The following SUGCT variants were observed in gnomAD, a reference collection of about 807,000 sequenced individuals.
SUGCT encodes succinyl-CoA:glutarate-CoA transferase.
SUGCT carries 41 observed loss-of-function variants against 55.0 expected under a neutral mutation model. The ratio of observed to expected loss-of-function variants is 0.74; its 90% CI spans 0.58 to 0.97. The LOEUF (loss-of-function observed/expected upper bound fraction) is 0.97, where lower values mean the gene tolerates loss of function less well. SUGCT is among the 50% of genes least tolerant of loss of function. The pLI, the probability that SUGCT is intolerant of heterozygous loss-of-function variation, is 0.00. For missense variants in SUGCT, 568 were observed against 547.8 expected (o/e 1.04, Z -0.37); for synonymous variants, 187 against 200.4 (o/e 0.93, Z 0.56).
intron 13 of SUGCT, among the ~76,000 whole-genome samples, chr7:40,811,672 G>A (rs1301807305): frequency 1.3e-5 from 2 of 152,030 alleles, no homozygotes; most frequent in Non-Finnish European, 2.9e-5. Flanking sequence ...CTGTGATGGA[G>A]TTTTTTGGGT....
At chr7:40,658,010 A>G (rs1801114025) in intron 12 of SUGCT, among the ~76,000 whole-genome samples, 1 of 152,198 alleles carries the variant, frequency 6.6e-6, no homozygotes, top group African/African-American at 2.4e-5. Context: ...CTTAGAGGGA[A>G]TTGAATTAAA....
intron 13 of SUGCT, among the ~76,000 whole-genome samples, chr7:40,819,944 A>G (rs2128765822): frequency 6.6e-6 from 1 of 152,292 alleles, no homozygotes; most frequent in South Asian, 2.1e-4. Context: ...TATAAGGTGT[A>G]AGGAAGGGAT....
chr7:40,833,917 A>G (rs913851413), intron 13 of SUGCT, among the ~76,000 whole-genome samples: 12 of 152,230 alleles, frequency 7.9e-5, no homozygotes, highest in African/African-American at 2.9e-4. Flanking sequence ...TTATTGTTTG[A>G]AAATCAATAG....
intron 9 of SUGCT, among the ~76,000 whole-genome samples, chr7:40,446,344 C>T (rs1012181341): frequency 4.6e-5 from 7 of 152,082 alleles, no homozygotes; most frequent in African/African-American, 1.7e-4. Context: ...CCCCATCTCA[C>T]CCTTCTCCAC....
chr7:40,159,435 A>G (rs1462236066), intron 1 of SUGCT, among the ~76,000 whole-genome samples: 1 of 151,444 alleles, frequency 6.6e-6, no homozygotes, highest in East Asian at 2.0e-4. Context: ...CAGTGATATG[A>G]TATCGGCTCA....
At chr7:40,858,704 C>T (rs1794329308) in intron 13 of SUGCT, among the ~76,000 whole-genome samples, 1 of 152,142 alleles carries the variant, frequency 6.6e-6, no homozygotes, top group African/African-American at 2.4e-5. Context: ...CCAGTGTCTG[C>T]TATAGTTGAT....
intron 13 of SUGCT, among the ~76,000 whole-genome samples, chr7:40,795,824 G>T (rs975858884): frequency 2.0e-5 from 3 of 152,146 alleles, no homozygotes; most frequent in African/African-American, 7.2e-5. Context: ...GGGAACTTGG[G>T]AAGGTGAAGT....
intron 12 of SUGCT, among the ~76,000 whole-genome samples, chr7:40,667,378 G>T (rs1801701394): frequency 6.6e-6 from 1 of 152,116 alleles, no homozygotes; most frequent in Non-Finnish European, 1.5e-5. Context: ...TTGTGTCTAT[G>T]TTCATCGGGG....
At chr7:40,440,971 G>T (rs543889250) in intron 9 of SUGCT, among the ~76,000 whole-genome samples, 6 of 151,668 alleles carry the variant, frequency 4.0e-5, no homozygotes, top group Admixed American at 1.3e-4. Flanking sequence ...AAAAAAAAAA[G>T]ATCTCACTGG....
chr7:40,496,922 A>G (rs530307471), intron 12 of SUGCT, among the ~76,000 whole-genome samples: 14 of 151,490 alleles, frequency 9.2e-5, no homozygotes, highest in African/African-American at 3.2e-4. Context: ...TTTTACACAG[A>G]TAGATATTTG....
intron 1 of SUGCT, among the ~76,000 whole-genome samples, chr7:40,136,448 G>A (rs1163763276): frequency 6.6e-6 from 1 of 152,174 alleles, no homozygotes; most frequent in African/African-American, 2.4e-5. Flanking sequence ...GACGAGTGTG[G>A]TATCTTCTCA....
chr7:40,628,128 T>C (rs973437299), intron 12 of SUGCT, among the ~76,000 whole-genome samples: 3 of 152,206 alleles, frequency 2.0e-5, no homozygotes, highest in Non-Finnish European at 4.4e-5. Flanking sequence ...TGCAATAAGA[T>C]ATTTTGAGAG....
chr7:40,892,980 T>G, the SUGCT span, among the ~76,000 whole-genome samples: 1 of 152,196 alleles, frequency 6.6e-6, no homozygotes, highest in African/African-American at 2.4e-5. Context: ...GAAAAAGATA[T>G]TTTGTGCAAA....
chr7:40,758,153 T>G (rs1584395126), intron 13 of SUGCT, among the ~76,000 whole-genome samples: 1 of 152,052 alleles, frequency 6.6e-6, no homozygotes, highest in Non-Finnish European at 1.5e-5. Context: ...TATGGTTGGG[T>G]TTATTCATGG....
intron 6 of SUGCT, among the ~76,000 whole-genome samples, chr7:40,218,342 T>C (rs1787795808): frequency 6.6e-6 from 1 of 152,204 alleles, no homozygotes; most frequent in Non-Finnish European, 1.5e-5. Flanking sequence ...CATTAAACAA[T>C]AGAAGCCTGG....
At chr7:40,458,528 T>G (rs140383135) in intron 10 of SUGCT, among the ~76,000 whole-genome samples, 2 of 152,350 alleles carry the variant, frequency 1.3e-5, no homozygotes, top group East Asian at 3.9e-4. Context: ...TTGCTATTGT[T>G]TAAATGGTGA....
chr7:40,409,834 A>G (rs1343676310), intron 9 of SUGCT, among the ~76,000 whole-genome samples: 1 of 152,042 alleles, frequency 6.6e-6, no homozygotes, highest in African/African-American at 2.4e-5. Flanking sequence ...AGTTTATCAG[A>G]TTTTGATTGG....
chr7:40,191,021 A>G (rs1584298895), intron 5 of SUGCT, among the ~76,000 whole-genome samples: 1 of 152,080 alleles, frequency 6.6e-6, no homozygotes, highest in African/African-American at 2.4e-5. Context: ...CCAAGTCTCA[A>G]ACTTATTTAT....
chr7:40,923,560 C>T, the SUGCT span, among the ~76,000 whole-genome samples: 1 of 152,156 alleles, frequency 6.6e-6, no homozygotes, highest in Non-Finnish European at 1.5e-5. Flanking sequence ...TTCAGAATTT[C>T]TGGCTTGAGA....
Sources: gnomAD v4.1 joint callset for allele counts (sites outside exome capture counted in the v4.1 genomes callset) on GRCh38, gnomAD v4.1.1 for gene constraint, MANE v1.5 for transcripts, NCBI Gene and HGNC (gene_info 2026-07-23, HGNC 2026-07-21) for gene names.